The following DRAM1 variants were observed in gnomAD, a reference collection of about 807,000 sequenced individuals.
DRAM1 encodes the protein DNA damage-regulated autophagy modulator protein 1.
DRAM1 carries 25 observed loss-of-function variants against 28.5 expected under a neutral mutation model. The observed-to-expected ratio is 0.88, with a 90% CI of 0.64 to 1.23. The LOEUF (loss-of-function observed/expected upper bound fraction) is 1.23, where lower values mean the gene tolerates loss of function less well. DRAM1 is among the 50% of genes most tolerant of loss of function. The pLI, the probability that DRAM1 is intolerant of heterozygous loss-of-function variation, is 0.00. For synonymous variants in DRAM1, 113 were observed against 114.2 expected (o/e 0.99, Z 0.07); for missense variants, 249 against 299.2 (o/e 0.83, Z 1.24).
chr12:101,896,595 C>A (rs899114916), intron 1 of DRAM1, among the ~76,000 whole-genome samples: 3 of 151,984 alleles, frequency 2.0e-5, no homozygotes, highest in African/African-American at 7.2e-5. Context: ...AAAACCCTGT[C>A]TCTAAAAAAT....
rs1371820707 is a variant in DRAM1, at chr12:101,890,106, C to A, written c.132-7757C>A. Reference sequence around the variant, plus strand: ...TTTTTATTTATTTTTTGAGATGAAGCCTCACTCTGTCGGCCAGGCTGGAGT... The same window carrying A: ...TTTTTATTTATTTTTTGAGATGAAGACTCACTCTGTCGGCCAGGCTGGAGT... On this transcript the variant is annotated intron_variant, in intron 1 of 6. Transcript: ENST00000258534. 6.7e-6 allele frequency: 3 copies of A among 449,968 alleles called. No individual in the cohort carries two copies. The East Asian group carries it at 2.1e-4, about 31-fold the overall frequency. 27.9% of individuals were successfully genotyped at this position (449,968 alleles called of 1,614,324 possible).
chr12:101,897,878 A>T lies in DRAM1; in HGVS notation c.147A>T (p.Thr49=). 1 of 1,610,522 alleles carries T rather than the reference A, an allele frequency of 6.2e-7. No homozygotes were observed. The highest frequency in any genetic ancestry group is 8.5e-7 in the Non-Finnish European group (1 of 1,177,360). The change falls in exon 2 of 7, where the codon ACA becomes ACT. Residue 49 remains threonine, a synonymous_variant. Transcript: ENST00000258534. ...FLPYISDTGT[T]PPESGIFGFM... is the part of the protein sequence containing the mutation. ...CCTTTGCCAGTGATACGGGAACAACACCTCCAGAGAGTGGTATTTTTGGAT... is the reference window on the plus strand; with the variant it reads ...CCTTTGCCAGTGATACGGGAACAACTCCTCCAGAGAGTGGTATTTTTGGAT...
chr12:101,893,925 A>ATT (rs1566123349), intron 1 of DRAM1, among the ~76,000 whole-genome samples: 1 of 150,244 alleles, frequency 6.7e-6, no homozygotes. Flanking sequence ...TTTTTTTTTA[A>ATT]AATTAATTAA....
intron 1 of DRAM1, among the ~76,000 whole-genome samples, chr12:101,894,563 G>A (rs376689089): frequency 1.8e-4 from 27 of 152,242 alleles, no homozygotes; most frequent in African/African-American, 6.0e-4. Context: ...CCACCTGTAT[G>A]GTTTTAAATG....
At chr12:101,882,835 C>CTT (rs35171315) in intron 1 of DRAM1, among the ~76,000 whole-genome samples, 13 of 112,554 alleles carry the variant, frequency 1.2e-4, no homozygotes, top group Non-Finnish European at 1.9e-4. Context: ...ATGCAACAGC[C>CTT]TTTTTTTTTT....
intron 3 of DRAM1, among the ~76,000 whole-genome samples, chr12:101,902,915 C>CT (rs113899412): frequency 0.09 from 13,266 of 147,872 alleles, 692 homozygotes; most frequent in Middle Eastern, 0.19. Context: ...GTGACTGCCT[C>CT]TTTTTTTTTT....
At chr12:101,900,260 A>G (rs1207425014) in intron 2 of DRAM1, among the ~76,000 whole-genome samples, 1 of 152,246 alleles carries the variant, frequency 6.6e-6, no homozygotes, top group Non-Finnish European at 1.5e-5. Context: ...ATGAAAAGCA[A>G]AACTATGCAA....
At chr12:101,920,867 T>C (rs977635789) in intron 6 of DRAM1, among the ~76,000 whole-genome samples, 1 of 152,104 alleles carries the variant, frequency 6.6e-6, no homozygotes, top group African/African-American at 2.4e-5. Context: ...GCTGAGATCA[T>C]GCCATTGCAC....
chr12:101,920,736 A>G (rs1340313703), intron 6 of DRAM1, among the ~76,000 whole-genome samples: 1 of 152,038 alleles, frequency 6.6e-6, no homozygotes, highest in Non-Finnish European at 1.5e-5. Flanking sequence ...ACATGGAGAA[A>G]CCCCGTCTCT....
chr12:101,915,762 G>A (rs538853548), intron 5 of DRAM1, among the ~76,000 whole-genome samples: 1 of 151,918 alleles, frequency 6.6e-6, no homozygotes, highest in Admixed American at 6.6e-5. Context: ...GGATTTCACC[G>A]TGTTAGCCAG....
intron 5 of DRAM1, among the ~76,000 whole-genome samples, chr12:101,917,694 C>CA (rs34726299): frequency 0.044 from 4,785 of 107,534 alleles, 252 homozygotes; most frequent in East Asian, 0.25. Flanking sequence ...GACTCCATCT[C>CA]AAAAAAAAAA....
chr12:101,903,586 ATAAT>A (rs1175608871), intron 3 of DRAM1, among the ~76,000 whole-genome samples: 2 of 152,190 alleles, frequency 1.3e-5, no homozygotes, highest in African/African-American at 4.8e-5. Flanking sequence ...GACTGAATTA[ATAAT>A]TCTGGAGATC....
intron 5 of DRAM1, among the ~76,000 whole-genome samples, chr12:101,914,482 C>CTTTT (rs1437711201): frequency 1.4e-5 from 2 of 138,138 alleles, no homozygotes; most frequent in African/African-American, 5.6e-5. Context: ...TCTTCTTCTT[C>CTTTT]TTCTTTTTTT....
chr12:101,898,695 G>A (rs990234397), intron 2 of DRAM1, among the ~76,000 whole-genome samples: 2 of 152,168 alleles, frequency 1.3e-5, no homozygotes, highest in Non-Finnish European at 2.9e-5. Context: ...GTGGGTTCCT[G>A]AAGATGTGTT....
chr12:101,907,199 C>CAAAAAAA (rs397965756), intron 3 of DRAM1, among the ~76,000 whole-genome samples: 5 of 85,114 alleles, frequency 5.9e-5, no homozygotes, highest in Admixed American at 1.4e-4. Flanking sequence ...GACCCTGTCT[C>CAAAAAAA]AAAAAAAAAA....
chr12:101,883,734 G>A (rs999828947), intron 1 of DRAM1, among the ~76,000 whole-genome samples: 2 of 151,086 alleles, frequency 1.3e-5, no homozygotes, highest in Non-Finnish European at 3.0e-5. Flanking sequence ...TCAAGAGATC[G>A]CAACCATTCT....
At chr12:101,888,913 T>C (rs997231382) in intron 1 of DRAM1, among the ~76,000 whole-genome samples, 2 of 148,394 alleles carry the variant, frequency 1.3e-5, no homozygotes, top group East Asian at 4.0e-4. Context: ...CAAGTGATCC[T>C]CCTACCTCAG....
At position 101,897,939 on chromosome 12, in the gene DRAM1, A is replaced by G. The variant is rs914400365; in HGVS notation, c.199+9A>G. 19 of 1,495,760 alleles carry G rather than the reference A, an allele frequency of 1.3e-5. No homozygotes were observed. The highest frequency in any genetic ancestry group is 1.7e-5 in the Admixed American group (1 of 57,560). The allele number at this position is 1,495,760 out of a possible 1,614,324, so 92.7% of individuals were successfully genotyped here. A position where few individuals can be genotyped will look rare whatever the true frequency, so the allele number is the denominator to read the frequency against. ...CTTCTCTGCATTTCTTGGTAAGTAC[A>G]CAATAATTATTATAAATAATTGAAA... is the stretch of plus-strand genomic sequence containing the variant. On this transcript the variant is annotated intron_variant, in intron 2 of 6. Transcript: ENST00000258534.
intron 1 of DRAM1, among the ~76,000 whole-genome samples, chr12:101,882,197 C>T (rs1484723277): frequency 6.6e-6 from 1 of 150,564 alleles, no homozygotes. Flanking sequence ...CAAGCTCCGC[C>T]TCCCGGGTTC....
Sources: gnomAD v4.1 joint callset for allele counts (sites outside exome capture counted in the v4.1 genomes callset) on GRCh38, gnomAD v4.1.1 for gene constraint, MANE v1.5 for transcripts, NCBI Gene and HGNC (gene_info 2026-07-23, HGNC 2026-07-21) for gene names.